The following ERC1 variants were observed in gnomAD, a reference collection of about 807,000 sequenced individuals.
The protein encoded by ERC1 is ELKS/RAB6-interacting/CAST family member 1, also known as RAB6 interacting protein 2.
A neutral mutation model predicts 132.0 loss-of-function variants in ERC1; 56 were observed. The ratio of observed to expected loss-of-function variants is 0.42; its 90% CI spans 0.34 to 0.53. The LOEUF is 0.53. ERC1 is among the 20% of genes least tolerant of loss of function. The pLI, the probability that ERC1 is intolerant of heterozygous loss-of-function variation, is 0.03. For synonymous variants in ERC1, 478 were observed against 476.1 expected (o/e 1.00, Z -0.05); for missense variants, 1,202 against 1,349.9 (o/e 0.89, Z 1.72).
chr12:1,373,422 C>G (rs1447213290), intron 16 of ERC1, among the ~76,000 whole-genome samples: 2 of 152,194 alleles, frequency 1.3e-5, no homozygotes. Flanking sequence ...ACCAGAATAC[C>G]ATACCTCATT....
chr12:1,460,215 C>T (rs750121310), intron 18 of ERC1, among the ~76,000 whole-genome samples: 54 of 152,218 alleles, frequency 3.5e-4, no homozygotes, highest in South Asian at 6.2e-4. Context: ...ATAAGATGTT[C>T]TTTTGAAATT....
At chr12:1,307,426 C>T (rs16928347) in intron 15 of ERC1, among the ~76,000 whole-genome samples, 60,921 of 151,928 alleles carry the variant, frequency 0.4, 12,716 homozygotes, top group Middle Eastern at 0.51. Context: ...AAGTTGCACA[C>T]TGAAATTGAG....
At chr12:1,485,235 C>T (rs1248840286) in intron 18 of ERC1, among the ~76,000 whole-genome samples, 7 of 125,522 alleles carry the variant, frequency 5.6e-5, no homozygotes, top group Middle Eastern at 5.8e-3. Flanking sequence ...GACAGAGTCT[C>T]GCTCTGTCAC....
At chr12:1,199,943 A>G (rs1956752200) in intron 12 of ERC1, among the ~76,000 whole-genome samples, 1 of 151,934 alleles carries the variant, frequency 6.6e-6, no homozygotes, top group Non-Finnish European at 1.5e-5. Flanking sequence ...CAAAGAATGA[A>G]TGAGGTCATT....
At chr12:1,383,942 T>C (rs1402288999) in intron 16 of ERC1, among the ~76,000 whole-genome samples, 2 of 151,788 alleles carry the variant, frequency 1.3e-5, no homozygotes, top group African/African-American at 4.8e-5. Flanking sequence ...GGGAAAGAGG[T>C]TAAGTAACTT....
In ERC1 at chr12:1,400,953, T is replaced by TTTTTTTTTTTTG. The variant is rs1477365626; in HGVS notation, c.2926-7196_2926-7195insTTTTTTTTTTTG. ...TTTTTTTTTTTTTTTTTTTTTTTTT[T>TTTTTTTTTTTTG]GTGACGGAGTCTTGCTCTATCGCCC... On this transcript the variant is annotated intron_variant, in intron 16 of 18. Transcript: ENST00000360905. 1.0e-4 allele frequency among the ~76,000 whole-genome samples: 9 copies of TTTTTTTTTTTTG among 90,272 alleles called. 1 individual carries two copies. Among genetic ancestry groups the TTTTTTTTTTTTG allele is most frequent in the Non-Finnish European group, 1.9e-4 (8 of 42,178 alleles). 59.2% of individuals were successfully genotyped at this position (90,272 alleles called of 152,430 possible). A position where few individuals can be genotyped will look rare whatever the true frequency, so the allele number is the denominator to read the frequency against.
intron 16 of ERC1, among the ~76,000 whole-genome samples, chr12:1,402,646 A>C (rs558496671): frequency 5.7e-5 from 6 of 105,116 alleles, no homozygotes; most frequent in South Asian, 2.7e-4. Flanking sequence ...CACACACACA[A>C]AAGAACAAAG....
intron 2 of ERC1, among the ~76,000 whole-genome samples, chr12:1,049,610 A>T (rs987112739): frequency 6.6e-6 from 1 of 152,158 alleles, no homozygotes; most frequent in Non-Finnish European, 1.5e-5. Context: ...TGCCATCCTC[A>T]GTCTAGTGAG....
intron 1 of ERC1, among the ~76,000 whole-genome samples, chr12:1,001,116 G>A (rs1962175508): frequency 6.6e-6 from 1 of 152,136 alleles, no homozygotes; most frequent in Admixed American, 6.6e-5. Flanking sequence ...TGGCTAGGCT[G>A]GTCTCAAACT....
At chr12:1,136,858 CT>C (rs1406977965) in intron 7 of ERC1, among the ~76,000 whole-genome samples, 2 of 151,992 alleles carry the variant, frequency 1.3e-5, no homozygotes, top group African/African-American at 4.8e-5. Context: ...GTGATGTTCT[CT>C]TCATTATTCA....
intron 14 of ERC1, among the ~76,000 whole-genome samples, chr12:1,270,229 A>G (rs1025056494): frequency 1.3e-5 from 2 of 151,204 alleles, no homozygotes; most frequent in African/African-American, 4.9e-5. Context: ...TTTTTTTGAG[A>G]TGGAGTCTCA....
chr12:1,333,363 T>C (rs892071908), intron 15 of ERC1, among the ~76,000 whole-genome samples: 6 of 141,304 alleles, frequency 4.2e-5, no homozygotes, highest in African/African-American at 1.6e-4. Context: ...AGATGGAGTC[T>C]CACTCTGTCG....
intron 2 of ERC1, among the ~76,000 whole-genome samples, chr12:1,058,705 G>T (rs1214319499): frequency 6.6e-6 from 1 of 150,566 alleles, no homozygotes; most frequent in Non-Finnish European, 1.5e-5. Context: ...ATAAACTTGA[G>T]AATTGTTTTT....
chr12:1,362,689 G>A (rs774480602), intron 15 of ERC1, among the ~76,000 whole-genome samples: 30 of 152,280 alleles, frequency 2.0e-4, no homozygotes, highest in Admixed American at 1.4e-3. Flanking sequence ...AAGTAGAATC[G>A]TGGCTGCCAA....
chr12:1,464,340 G>C (rs1565489576), intron 18 of ERC1, among the ~76,000 whole-genome samples: 1 of 151,874 alleles, frequency 6.6e-6, no homozygotes, highest in Non-Finnish European at 1.5e-5. Context: ...TCTGGTGTTC[G>C]TGGCTCGCCT....
At chr12:1,193,268 G>T (rs1049034282) in intron 12 of ERC1, among the ~76,000 whole-genome samples, 1 of 152,020 alleles carries the variant, frequency 6.6e-6, no homozygotes, top group African/African-American at 2.4e-5. Flanking sequence ...CTACTCTCTT[G>T]ACCCACTGCA....
intron 14 of ERC1, among the ~76,000 whole-genome samples, chr12:1,268,616 A>AT (rs71441648): frequency 3.0e-4 from 46 of 152,198 alleles, no homozygotes; most frequent in African/African-American, 1.1e-3. Flanking sequence ...GAATTAAAAA[A>AT]TTAGCCAGGT....
chr12:1,418,585 CTT>C (rs1565394894), intron 17 of ERC1, among the ~76,000 whole-genome samples: 204 of 96,572 alleles, frequency 2.1e-3, no homozygotes, highest in Non-Finnish European at 4.2e-3. Flanking sequence ...TTCTTTCTTT[CTT>C]TCTCTTTCTT....
intron 2 of ERC1, among the ~76,000 whole-genome samples, chr12:1,037,476 A>G (rs1969306618): frequency 6.6e-6 from 1 of 152,180 alleles, no homozygotes; most frequent in Non-Finnish European, 1.5e-5. Flanking sequence ...ACCCTCTGGA[A>G]CTTGCCATCT....
Sources: allele counts gnomAD v4.1 joint callset (sites outside exome capture counted in the v4.1 genomes callset), GRCh38; gene constraint gnomAD v4.1.1; transcripts MANE v1.5; gene names NCBI Gene and HGNC (gene_info 2026-07-23, HGNC 2026-07-21).